ADAMTS20: variants seen among roughly 807,000 people sequenced by gnomAD.
The protein encoded by ADAMTS20 is ADAM metallopeptidase with thrombospondin type 1 motif 20.
A neutral mutation model predicts 260.1 loss-of-function variants in ADAMTS20; 225 were observed. The ratio of observed to expected loss-of-function variants is 0.87; its 90% CI spans 0.78 to 0.97. The LOEUF (loss-of-function observed/expected upper bound fraction) is 0.97, where lower values mean the gene tolerates loss of function less well. ADAMTS20 is among the 50% of genes least tolerant of loss of function. The pLI, the probability that ADAMTS20 is intolerant of heterozygous loss-of-function variation, is 0.00. For synonymous variants in ADAMTS20, 802 were observed against 769.5 expected (o/e 1.04, Z -0.70); for missense variants, 2,400 against 2,337.7 (o/e 1.03, Z -0.55).
Position 43,429,706 on chromosome 12 carries a change from A to T in ADAMTS20, c.3400T>A (p.Cys1134Ser). 6.3e-7 allele frequency: 1 copy of T among 1,586,236 alleles called. No homozygotes were observed. Among genetic ancestry groups the T allele is most frequent in the Non-Finnish European group, 8.6e-7 (1 of 1,164,304 alleles). ...SDRQSCVLTPCSFISKLETAL... is the reference protein window; with the variant it reads ...SDRQSCVLTPSSFISKLETAL... ...GTCTCAAGTTTAGAAATAAATGAGC[A>T]AGGTGTAAGTACACAGCTCTGTTCA... Residue 1134 changes from cysteine (C) to serine (S), a missense_variant, in exon 24 of 39, where the codon TGC (cysteine) becomes AGC (serine). Physicochemically the swap from Cys to Ser is moderately radical, Grantham distance 112. Coordinates refer to ENST00000389420, the MANE Select transcript of ADAMTS20 (RefSeq NM_025003.5).
At chr12:43,362,895 G>A (rs1939903971) in intron 37 of ADAMTS20, among the ~76,000 whole-genome samples, 1 of 151,350 alleles carries the variant, frequency 6.6e-6, no homozygotes, top group Non-Finnish European at 1.5e-5. Context: ...CTAGAAGCTG[G>A]AAAAGGCAAG....
At chr12:43,463,213 A>C (rs760277995) in intron 10 of ADAMTS20, among the ~76,000 whole-genome samples, 3 of 152,202 alleles carry the variant, frequency 2.0e-5, no homozygotes, top group Non-Finnish European at 4.4e-5. Flanking sequence ...TTTTAAAAAA[A>C]TTTTATTCAT....
At chr12:43,374,780 A>G (rs191811258) in intron 36 of ADAMTS20, among the ~76,000 whole-genome samples, 3 of 152,332 alleles carry the variant, frequency 2.0e-5, no homozygotes, top group African/African-American at 7.2e-5. Context: ...GACCGAGGAT[A>G]TTAACTTTCT....
intron 29 of ADAMTS20, among the ~76,000 whole-genome samples, chr12:43,393,404 C>G (rs1311742743): frequency 6.6e-6 from 1 of 151,864 alleles, no homozygotes; most frequent in African/African-American, 2.4e-5. Context: ...CATAAATATC[C>G]TATTTATGAA....
At chr12:43,470,149 G>T (rs10506228) in intron 7 of ADAMTS20, among the ~76,000 whole-genome samples, 106,860 of 152,084 alleles carry the variant, frequency 0.7, 37,887 homozygotes, top group East Asian at 1. Context: ...ATGTTCAGTT[G>T]TTTAGTGGAT....
chr12:43,441,843 A>C (rs1476548621), intron 16 of ADAMTS20, among the ~76,000 whole-genome samples: 2 of 152,188 alleles, frequency 1.3e-5, no homozygotes, highest in Non-Finnish European at 2.9e-5. Flanking sequence ...CCTCTGAAAA[A>C]GCAATATTGA....
intron 28 of ADAMTS20, among the ~76,000 whole-genome samples, chr12:43,420,421 GTAT>G (rs1257913716): frequency 6.6e-6 from 1 of 152,140 alleles, no homozygotes; most frequent in East Asian, 1.9e-4. Flanking sequence ...TATGAGAAGT[GTAT>G]TATAAAATTT....
intron 2 of ADAMTS20, 135 bp downstream of exon 2, chr12:43,550,774 G>T: frequency 1.5e-6 from 2 of 1,309,198 alleles, no homozygotes; most frequent in Non-Finnish European, 2.0e-6. Flanking sequence ...CCTCTGGCTT[G>T]GTGTTAATCC....
chr12:43,368,479 C>G (rs1940035082), intron 37 of ADAMTS20, among the ~76,000 whole-genome samples: 1 of 151,998 alleles, frequency 6.6e-6, no homozygotes, highest in South Asian at 2.1e-4. Flanking sequence ...TCCTCTCTTC[C>G]TAATATAAGC....
chr12:43,445,728 T>C (rs942097732), intron 15 of ADAMTS20, among the ~76,000 whole-genome samples: 1 of 151,872 alleles, frequency 6.6e-6, no homozygotes, highest in African/African-American at 2.4e-5. Flanking sequence ...GGTGAACACC[T>C]GTAGTTCTAG....
At position 43,428,620 on chromosome 12, in the gene ADAMTS20, C is replaced by T. The variant is rs1289844198; in HGVS notation, c.3654+15G>A. Reference sequence around the variant, plus strand: ...TAAATTTTTCATTTTCTTTTTTTCTCATAAGAATACTTACGGGTGACCAAT... The same window carrying T: ...TAAATTTTTCATTTTCTTTTTTTCTTATAAGAATACTTACGGGTGACCAAT... On this transcript the variant is annotated intron_variant, in intron 25 of 38. Transcript: ENST00000389420. 2 of 1,522,926 alleles carry T rather than the reference C, an allele frequency of 1.3e-6. No individual in the cohort carries two copies. The highest frequency in any genetic ancestry group is 2.2e-5 in the Admixed American group (1 of 46,112). The allele number at this position is 1,522,926 out of a possible 1,614,324, so 94.3% of individuals were successfully genotyped here.
chr12:43,534,186 A>T (rs1943262079), intron 2 of ADAMTS20, among the ~76,000 whole-genome samples: 1 of 135,518 alleles, frequency 7.4e-6, no homozygotes, highest in Non-Finnish European at 1.6e-5. Context: ...CAGAGTGAAC[A>T]GGCAACCTAC....
chr12:43,486,491 GA>G (rs1223144600), intron 7 of ADAMTS20, among the ~76,000 whole-genome samples: 1 of 151,990 alleles, frequency 6.6e-6, no homozygotes, highest in Non-Finnish European at 1.5e-5. Context: ...GAAAACCTAG[GA>G]AAAACTCTTC....
chr12:43,498,601 C>T (rs947090226), intron 4 of ADAMTS20, among the ~76,000 whole-genome samples: 1 of 152,172 alleles, frequency 6.6e-6, no homozygotes, highest in Non-Finnish European at 1.5e-5. Context: ...CTTCTAAAAA[C>T]TGGAAAAAGT....
At position 43,502,411 on chromosome 12, in the gene ADAMTS20, G is replaced by A; in HGVS notation, c.614-6C>T. On this transcript the variant is annotated splice_polypyrimidine_tract_variant and splice_region_variant and intron_variant, in intron 3 of 38. Transcript: ENST00000389420. ...GGTTTCCTTTATTTGACTTTCTAGGGAGAAAAAAAGAATATAATGCAGAGC... is the reference window on the plus strand; with the variant it reads ...GGTTTCCTTTATTTGACTTTCTAGGAAGAAAAAAAGAATATAATGCAGAGC... 3.2e-6 allele frequency: 5 copies of A among 1,568,694 alleles called. No individual in the cohort carries two copies. The highest frequency in any genetic ancestry group is 2.6e-6 in the Non-Finnish European group (3 of 1,167,858).
intron 9 of ADAMTS20, 67 bp downstream of exon 9, chr12:43,466,585 T>G: frequency 1.4e-6 from 2 of 1,472,526 alleles, no homozygotes; most frequent in Non-Finnish European, 1.9e-6. Flanking sequence ...TGAACCACCT[T>G]TAAAAATATC....
At chr12:43,460,988 A>ATATAT in intron 11 of ADAMTS20, among the ~76,000 whole-genome samples, 1 of 26,394 alleles carries the variant, frequency 3.8e-5, no homozygotes, top group Non-Finnish European at 6.7e-5. Flanking sequence ...ATATATATAT[A>ATATAT]TTTTTTTTTT....
At chr12:43,384,600 C>G (rs1003488865) in intron 29 of ADAMTS20, among the ~76,000 whole-genome samples, 1 of 152,118 alleles carries the variant, frequency 6.6e-6, no homozygotes, top group African/African-American at 2.4e-5. Flanking sequence ...CAATGCCTCA[C>G]CTTGTCCCCA....
At chr12:43,381,465 T>C (rs1171070952) in intron 31 of ADAMTS20, among the ~76,000 whole-genome samples, 2 of 151,774 alleles carry the variant, frequency 1.3e-5, no homozygotes, top group African/African-American at 4.8e-5. Context: ...CCAGAATATA[T>C]AAATAATTTA....
Sources: allele counts gnomAD v4.1 joint callset (sites outside exome capture counted in the v4.1 genomes callset), GRCh38; gene constraint gnomAD v4.1.1; transcripts MANE v1.5; gene names NCBI Gene and HGNC (gene_info 2026-07-23, HGNC 2026-07-21).